TEX22: variants seen among roughly 807,000 people sequenced by gnomAD.
TEX22 encodes testis expressed 22.
Under a neutral mutation model 11.3 loss-of-function variants are expected in TEX22, and 16 were observed. That is an observed-to-expected ratio of 1.42 (90% confidence interval 0.96 to 2.15). The LOEUF is 2.15. Among genes scored for constraint, TEX22 ranks in the 30% most tolerant of loss-of-function variants. TEX22 has a pLI of 0.00. For synonymous variants in TEX22, 97 were observed against 92.3 expected (o/e 1.05, Z -0.29); for missense variants, 220 against 208.6 (o/e 1.05, Z -0.34).
Position 105,411,693 on chromosome 14 carries a change from G to GAGGACGTGGACA in TEX22, c.322_333dup (p.Asp108_Val111dup). ...GCAGATGGTAGCCCAGCTGGTGTCGGAGGACGTGGACAAGGACGTGCTCCT... is the reference window on the plus strand; with the variant it reads ...GCAGATGGTAGCCCAGCTGGTGTCGGAGGACGTGGACAAGGACGTGGACAAGGACGTGCTCCT... On this transcript the variant is annotated inframe_insertion, in exon 4 of 4. Transcript: ENST00000451127. 6.5e-7 allele frequency: 1 copy of GAGGACGTGGACA among 1,531,876 alleles called. No individual in the cohort carries two copies. Among genetic ancestry groups the GAGGACGTGGACA allele is most frequent in the South Asian group, 1.2e-5 (1 of 83,996 alleles). 94.9% of individuals were successfully genotyped at this position (1,531,876 alleles called of 1,614,324 possible).
At chr14:105,409,488 A>ACTT (rs1270053787) in intron 2 of TEX22, among the ~76,000 whole-genome samples, 21 of 146,462 alleles carry the variant, frequency 1.4e-4, no homozygotes, top group East Asian at 7.9e-4. Context: ...GACTATTAAG[A>ACTT]CTTCTTCTTC....
At chr14:105,399,063 C>T (rs1234597662) in intron 1 of TEX22, among the ~76,000 whole-genome samples, 1 of 152,214 alleles carries the variant, frequency 6.6e-6, no homozygotes, top group Admixed American at 6.5e-5. Flanking sequence ...TTCCAGGCTC[C>T]CGGGGTGGGG....
chr14:105,404,629 C>T (rs587746468), intron 2 of TEX22, among the ~76,000 whole-genome samples: 4 of 152,242 alleles, frequency 2.6e-5, no homozygotes, highest in African/African-American at 7.2e-5. Flanking sequence ...AAAGCAGCCA[C>T]GGGAGCTCGT....
chr14:105,399,232 A>T, intron 1 of TEX22, 70 bp from the exon 2 acceptor site: 1 of 873,998 alleles, frequency 1.1e-6, no homozygotes, highest in Non-Finnish European at 1.7e-6. Context: ...GCCCCCAGGG[A>T]CTCAGGTATT....
chr14:105,411,820 C>G lies in TEX22; in HGVS notation c.440C>G (p.Ser147Ter). 1 of 1,428,872 alleles carries G rather than the reference C, an allele frequency of 7.0e-7. No homozygotes were observed. Among genetic ancestry groups the G allele is most frequent in the East Asian group, 3.0e-5 (1 of 33,676 alleles). 88.5% of individuals were successfully genotyped at this position (1,428,872 alleles called of 1,614,324 possible). A position where few individuals can be genotyped will look rare whatever the true frequency, so the allele number is the denominator to read the frequency against. ...WHNATFEASR[S>*]PPS ...AATGCGACTTTCGAGGCCTCGAGGT[C>G]ACCCCCTTCCTAAGAGCCCCATTCA... Residue 147 changes from serine (S) to a stop codon, truncating the protein, a stop_gained, in exon 4 of 4, where the codon TCA becomes TGA. Coordinates refer to ENST00000451127, the MANE Select transcript of TEX22 (RefSeq NM_001195082.2). LOFTEE classifies it high-confidence loss of function.
intron 2 of TEX22, among the ~76,000 whole-genome samples, chr14:105,399,854 G>A (rs587599901): frequency 1.7e-4 from 26 of 152,330 alleles, no homozygotes; most frequent in South Asian, 2.1e-4. Context: ...GGGGGGTGGT[G>A]TCCTCCCAAC....
chr14:105,402,671 G>T (rs1031889248), intron 2 of TEX22, among the ~76,000 whole-genome samples: 24 of 151,866 alleles, frequency 1.6e-4, no homozygotes, highest in African/African-American at 4.6e-4. Context: ...CAGGAGAATG[G>T]CGTGAACCCG....
chr14:105,399,239 T>G, intron 1 of TEX22, 63 bp from the exon 2 acceptor site: 1 of 964,628 alleles, frequency 1.0e-6, no homozygotes, highest in Non-Finnish European at 1.5e-6. Context: ...GGGACTCAGG[T>G]ATTGGTGGGC....
intron 1 of TEX22, 100 bp from the exon 2 acceptor site, chr14:105,399,202 C>T (rs1555418079): frequency 2.9e-6 from 2 of 695,354 alleles, no homozygotes; most frequent in East Asian, 2.7e-5. Flanking sequence ...CCCTAGCAGA[C>T]CGCGATACTG....
intron 2 of TEX22, among the ~76,000 whole-genome samples, chr14:105,407,208 C>A (rs1438467301): frequency 6.6e-6 from 1 of 151,572 alleles, no homozygotes; most frequent in African/African-American, 2.4e-5. Flanking sequence ...GCTGGGATTA[C>A]AGGTGCACAC....
Position 105,411,390 on chromosome 14 carries a change from GGCGCCCGGGCCGCCGCTGGAGCGTCA to G in TEX22, c.176_201del (p.Arg59HisfsTer72), listed in dbSNP as rs1238016235. On this transcript the variant is annotated frameshift_variant, in exon 3 of 4. Transcript: ENST00000451127. LOFTEE classifies it high-confidence loss of function. ...CAGGTGTGCGAGCCGCCGGAACGCAGGCGCCCGGGCCGCCGCTGGAGCGTCAGCATCGACGAGCGCCGGCGGCTGGC... is the reference window on the plus strand; with the variant it reads ...CAGGTGTGCGAGCCGCCGGAACGCAGGCATCGACGAGCGCCGGCGGCTGGC... 2 of 1,322,964 alleles carry G rather than the reference GGCGCCCGGGCCGCCGCTGGAGCGTCA, an allele frequency of 1.5e-6. No individual in the cohort carries two copies. Among genetic ancestry groups the G allele is most frequent in the Admixed American group, 6.9e-5 (2 of 29,048 alleles). The allele number at this position is 1,322,964 out of a possible 1,614,324, so 82.0% of individuals were successfully genotyped here. A position where few individuals can be genotyped will look rare whatever the true frequency, so the allele number is the denominator to read the frequency against.
intron 2 of TEX22, among the ~76,000 whole-genome samples, chr14:105,405,113 C>T (rs1440313099): frequency 6.6e-6 from 1 of 151,932 alleles, no homozygotes; most frequent in African/African-American, 2.4e-5. Context: ...CATGGCAAAA[C>T]CCCATCTCTA....
At chr14:105,411,633 A>AGGCTCCC in intron 3 of TEX22, 27 bp from the exon 4 acceptor site, 1 of 1,498,642 alleles carries the variant, frequency 6.7e-7, no homozygotes, top group South Asian at 1.2e-5. Flanking sequence ...CCGCCCCTCG[A>AGGCTCCC]GGCTCCCTGA....
intron 2 of TEX22, among the ~76,000 whole-genome samples, chr14:105,402,562 G>T (rs1008696178): frequency 2.9e-4 from 44 of 151,886 alleles, no homozygotes; most frequent in Middle Eastern, 6.8e-3. Flanking sequence ...AGACCATCCT[G>T]GCTAACACGG....
intron 2 of TEX22, among the ~76,000 whole-genome samples, chr14:105,404,553 A>G (rs770278396): frequency 5.9e-4 from 90 of 152,324 alleles, no homozygotes; most frequent in Non-Finnish European, 1.1e-3. Context: ...GAAGCATAAT[A>G]GTGAAATTGT....
In TEX22 at chr14:105,399,377, C is replaced by T; in HGVS notation, c.37C>T (p.Leu13=). 1 of 1,535,768 alleles carries T rather than the reference C, an allele frequency of 6.5e-7. No homozygotes were observed. Among genetic ancestry groups the T allele is most frequent in the Non-Finnish European group, 8.7e-7 (1 of 1,146,808 alleles). The change falls in exon 2 of 4, where the codon CTG becomes TTG. Residue 13 remains leucine, a synonymous_variant. Coordinates refer to ENST00000451127, the MANE Select transcript of TEX22 (RefSeq NM_001195082.2). The stretch of plus-strand genomic sequence containing the variant: ...GAAACTGTCCCCCCGGGGGAAGAAG[C>T]TGGAGTCGCACCTCTCCCAAGAGCA... ...SRKLSPRGKK[L]ESHLSQEHRR...
Position 105,399,591 on chromosome 14 carries a change from A to G in TEX22, c.150+101A>G, listed in dbSNP as rs955727988. The G allele has an allele frequency of 1.7e-5, 22 of 1,320,898 alleles. No homozygotes were observed. The African/African-American group carries it at 2.4e-4, about 14-fold the overall frequency. 81.8% of individuals were successfully genotyped at this position (1,320,898 alleles called of 1,614,324 possible). On this transcript the variant is annotated intron_variant, in intron 2 of 3. Transcript: ENST00000451127. The stretch of plus-strand genomic sequence containing the variant: ...CAGGCTGGTCGTGATGAGCAGCCTC[A>G]GGGGAGGGCTGAGTGGGGACTGATG...
At chr14:105,404,456 G>A (rs2081648649) in intron 2 of TEX22, among the ~76,000 whole-genome samples, 1 of 152,238 alleles carries the variant, frequency 6.6e-6, no homozygotes, top group Non-Finnish European at 1.5e-5. Context: ...ATGGATACCA[G>A]GAGGTGAGGA....
chr14:105,402,774 AGAG>A (rs1255166531), intron 2 of TEX22, among the ~76,000 whole-genome samples: 1 of 151,272 alleles, frequency 6.6e-6, no homozygotes, highest in Non-Finnish European at 1.5e-5. Context: ...AAAAAAAAAA[AGAG>A]AAACCTGTTG....
Sources: gnomAD v4.1 joint callset for allele counts (sites outside exome capture counted in the v4.1 genomes callset) on GRCh38, gnomAD v4.1.1 for gene constraint, MANE v1.5 for transcripts, NCBI Gene and HGNC (gene_info 2026-07-23, HGNC 2026-07-21) for gene names.